The following EPHA6 variants were observed in gnomAD, a reference collection of about 807,000 sequenced individuals.
The protein encoded by EPHA6 is ephrin type-A receptor 6.
EPHA6 carries 50 observed loss-of-function variants against 112.0 expected under a neutral mutation model. That is an observed-to-expected ratio of 0.45 (90% CI 0.36 to 0.56). The LOEUF is 0.56. Ranked by LOEUF, EPHA6 falls within the 20% of genes least tolerant of loss-of-function variation. The probability of loss-of-function intolerance (pLI) is 0.00; values close to 1 mark genes in which losing one functional copy is unlikely to be tolerated. For missense variants in EPHA6, 1,280 were observed against 1,417.4 expected, an observed-to-expected ratio of 0.90 and a Z score of 1.56; for synonymous variants, 529 against 490.7, an observed-to-expected ratio of 1.08 and a Z score of -1.03.
intron 11 of EPHA6, among the ~76,000 whole-genome samples, chr3:97,558,047 G>A (rs140867814): frequency 5.3e-5 from 8 of 151,982 alleles, no homozygotes; most frequent in Admixed American, 5.3e-4. Context: ...CACAGGGGCA[G>A]GACAAGTAAA....
At chr3:97,147,573 C>T (rs2076073388) in intron 3 of EPHA6, among the ~76,000 whole-genome samples, 1 of 152,030 alleles carries the variant, frequency 6.6e-6, no homozygotes, top group African/African-American at 2.4e-5. Flanking sequence ...TCTGGAAGTA[C>T]AATGTCCTCC....
chr3:97,658,172 T>C (rs889044285), intron 14 of EPHA6, among the ~76,000 whole-genome samples: 1 of 151,934 alleles, frequency 6.6e-6, no homozygotes, highest in African/African-American at 2.4e-5. Flanking sequence ...TATTATAAGA[T>C]AGTTTTTCAT....
At chr3:97,308,382 C>G (rs1449759202) in intron 5 of EPHA6, among the ~76,000 whole-genome samples, 1 of 151,722 alleles carries the variant, frequency 6.6e-6, no homozygotes, top group Non-Finnish European at 1.5e-5. Flanking sequence ...GCAAGTTTCT[C>G]TGAAATTTTG....
chr3:97,278,060 C>T lies in EPHA6; in HGVS notation c.1606+33773C>T, dbSNP rs140409290. Among the ~76,000 whole-genome samples, 911 of 152,278 alleles carry T rather than the reference C, an allele frequency of 6.0e-3. 5 individuals carry two copies. Among genetic ancestry groups the T allele is most frequent in the African/African-American group, 0.02 (840 of 41,548 alleles). On this transcript the variant is annotated intron_variant, in intron 5 of 17. Coordinates refer to ENST00000389672, the MANE Select transcript of EPHA6 (RefSeq NM_001080448.3). ...CAGCACATGACTGTACTATAATTTC[C>T]GTTTATCTGTTGATAGATACTTAAG...
chr3:97,747,668 G>C, intron 17 of EPHA6, 96 bp downstream of exon 17: 1 of 1,135,368 alleles, frequency 8.8e-7, no homozygotes, highest in Non-Finnish European at 1.2e-6. Flanking sequence ...AGGCTAGTGG[G>C]TAATTTCCAA....
intron 10 of EPHA6, 95 bp from the exon 11 acceptor site, chr3:97,532,263 T>G (rs1452298898): frequency 9.6e-7 from 1 of 1,046,320 alleles, no homozygotes; most frequent in African/African-American, 1.6e-5. Context: ...TAAGAGTCAT[T>G]ATGTGAAAAA....
chr3:97,658,171 A>G (rs770272865), intron 14 of EPHA6, among the ~76,000 whole-genome samples: 3 of 151,890 alleles, frequency 2.0e-5, no homozygotes, highest in African/African-American at 4.8e-5. Context: ...CTATTATAAG[A>G]TAGTTTTTCA....
rs187173804 is a variant in EPHA6 at position 97,716,601 on chromosome 3, A to C, written c.2785-3660A>C. 3.8e-3 allele frequency among the ~76,000 whole-genome samples: 569 copies of C among 150,986 alleles called. 20 individuals carry two copies. Among genetic ancestry groups the C allele is most frequent in the African/African-American group, 0.013 (539 of 40,878 alleles). On this transcript the variant is annotated intron_variant, in intron 14 of 17. Coordinates refer to ENST00000389672, the MANE Select transcript of EPHA6 (RefSeq NM_001080448.3). Reference sequence around the variant, plus strand: ...AAAAAAAAAAAAAAAAAAAAAAAGAAAAGACCCAGGTGCTTCTGTGTTTCC... The same window carrying C: ...AAAAAAAAAAAAAAAAAAAAAAAGACAAGACCCAGGTGCTTCTGTGTTTCC...
intron 10 of EPHA6, among the ~76,000 whole-genome samples, chr3:97,517,047 GT>G (rs2092458628): frequency 6.6e-6 from 1 of 152,148 alleles, no homozygotes; most frequent in South Asian, 2.1e-4. Context: ...GGTTAATCAT[GT>G]CTTCATGACT....
chr3:97,157,065 T>A (rs1369358013), intron 3 of EPHA6, among the ~76,000 whole-genome samples: 1 of 152,124 alleles, frequency 6.6e-6, no homozygotes, highest in Non-Finnish European at 1.5e-5. Flanking sequence ...AAGTCATATA[T>A]CTGTTGTAGG....
intron 16 of EPHA6, among the ~76,000 whole-genome samples, chr3:97,745,082 A>G (rs1167398855): frequency 2.0e-5 from 3 of 151,980 alleles, no homozygotes; most frequent in African/African-American, 7.2e-5. Context: ...ATTTAGAAAA[A>G]TAATGTAGAA....
At chr3:97,160,565 C>G (rs1201347357) in intron 3 of EPHA6, among the ~76,000 whole-genome samples, 1 of 152,100 alleles carries the variant, frequency 6.6e-6, no homozygotes, top group Non-Finnish European at 1.5e-5. Flanking sequence ...CAGGCATGAG[C>G]CCCCACATCC....
chr3:97,106,495 G>A (rs1314627015), intron 3 of EPHA6, among the ~76,000 whole-genome samples: 1 of 152,022 alleles, frequency 6.6e-6, no homozygotes, highest in Non-Finnish European at 1.5e-5. Flanking sequence ...CTGACTCCAG[G>A]GGAAAACAAC....
intron 3 of EPHA6, among the ~76,000 whole-genome samples, chr3:97,090,195 G>A (rs113310288): frequency 0.014 from 2,190 of 152,010 alleles, 39 homozygotes; most frequent in African/African-American, 0.049. Flanking sequence ...GTTTCCTCAT[G>A]TATTGCAAAC....
At chr3:97,719,277 T>G (rs2034403308) in intron 14 of EPHA6, among the ~76,000 whole-genome samples, 1 of 152,028 alleles carries the variant, frequency 6.6e-6, no homozygotes, top group South Asian at 2.1e-4. Flanking sequence ...TGGACAATGT[T>G]GAAACAATCC....
intron 12 of EPHA6, among the ~76,000 whole-genome samples, chr3:97,604,182 A>G (rs2093662976): frequency 6.6e-6 from 1 of 151,840 alleles, no homozygotes; most frequent in Non-Finnish European, 1.5e-5. Context: ...GAAATATATA[A>G]TATTCAAATG....
intron 10 of EPHA6, among the ~76,000 whole-genome samples, chr3:97,531,829 C>G (rs1242687600): frequency 3.3e-5 from 5 of 151,990 alleles, no homozygotes; most frequent in Non-Finnish European, 7.4e-5. Context: ...TGTAATGTAG[C>G]CTGTATAATC....
At chr3:97,209,575 G>A (rs1476220751) in intron 3 of EPHA6, among the ~76,000 whole-genome samples, 1 of 152,164 alleles carries the variant, frequency 6.6e-6, no homozygotes, top group Non-Finnish European at 1.5e-5. Flanking sequence ...TTGATTGCCA[G>A]CATGATTAAT....
intron 12 of EPHA6, among the ~76,000 whole-genome samples, 192 bp downstream of exon 12, chr3:97,592,929 A>G (rs1157268706): frequency 2.6e-5 from 4 of 152,190 alleles, no homozygotes; most frequent in Admixed American, 6.5e-5. Context: ...AAGTGAAAGG[A>G]CTCTGCGCAC....
Sources: gnomAD v4.1 joint callset for allele counts (sites outside exome capture counted in the v4.1 genomes callset) on GRCh38, gnomAD v4.1.1 for gene constraint, MANE v1.5 for transcripts, NCBI Gene and HGNC (gene_info 2026-07-23, HGNC 2026-07-21) for gene names.